Variants in L3MBTL2 observed in about 807,000 individuals in gnomAD.
L3MBTL2 encodes L3MBTL histone methyl-lysine binding protein 2, also known as lethal(3)malignant brain tumor-like protein 2.
A neutral mutation model predicts 86.4 loss-of-function variants in L3MBTL2; 49 were observed. The ratio of observed to expected loss-of-function variants is 0.57; its 90% CI spans 0.45 to 0.72. L3MBTL2 has a LOEUF of 0.72. L3MBTL2 is among the 30% of genes least tolerant of loss of function. The probability of loss-of-function intolerance (pLI) is 0.00; values close to 1 mark genes in which losing one functional copy is unlikely to be tolerated. For synonymous variants in L3MBTL2, 336 were observed against 350.6 expected (o/e 0.96, Z 0.47); for missense variants, 755 against 923.7 (o/e 0.82, Z 2.37).
chr22:41,219,395 C>T (rs376049755), intron 5 of L3MBTL2, 24 bp from the exon 6 acceptor site: 10 of 1,552,276 alleles, frequency 6.4e-6, no homozygotes, highest in South Asian at 2.2e-5. Context: ...CTCACTCTCT[C>T]GGTACACTCT....
At chr22:41,227,000 G>C (rs1263610044) in intron 13 of L3MBTL2, 89 bp from the exon 14 acceptor site, 1 of 1,174,230 alleles carries the variant, frequency 8.5e-7, no homozygotes, top group Non-Finnish European at 1.2e-6. Flanking sequence ...GCCCCTCCCT[G>C]CCAGTTCTTC....
intron 3 of L3MBTL2, 119 bp downstream of exon 3, chr22:41,214,145 A>G (rs2031141021): frequency 1.0e-6 from 1 of 993,040 alleles, no homozygotes; most frequent in African/African-American, 1.6e-5. Flanking sequence ...GCCAGCTGGT[A>G]TTTATTATGT....
chr22:41,227,576 T>C lies in L3MBTL2; in HGVS notation c.1823-228T>C. The C allele has an allele frequency of 6.5e-7, 1 of 1,548,180 alleles. No individual in the cohort carries two copies. The highest frequency in any genetic ancestry group is 8.7e-7 in the Non-Finnish European group (1 of 1,145,872). On this transcript the variant is annotated intron_variant, in intron 14 of 16. Coordinates refer to ENST00000216237, the MANE Select transcript of L3MBTL2 (RefSeq NM_031488.5). This position sits in a 1 kb window ranked among gnomAD's most constrained non-coding sequence, Gnocchi z 6.0. ...ATGTTCGTGCCCTTGTGCACCCAGGTAAACTACCCAGGTCCCTCTGAGCAG... is the reference window on the plus strand; with the variant it reads ...ATGTTCGTGCCCTTGTGCACCCAGGCAAACTACCCAGGTCCCTCTGAGCAG...
intron 1 of L3MBTL2, chr22:41,208,228 C>G: frequency 2.6e-6 from 1 of 383,284 alleles, no homozygotes; most frequent in Admixed American, 3.1e-5. Flanking sequence ...ACCTCCCAGG[C>G]TCAAGCAGTC....
chr22:41,209,952 C>T lies in L3MBTL2; in HGVS notation c.262+19C>T. ...GAGCCAGGTGCCTTCAGAGTGTCCC[C>T]TGAGGATGGAGAGGAGATAGAAGAT... On this transcript the variant is annotated intron_variant, in intron 2 of 16. Coordinates refer to ENST00000216237, the MANE Select transcript of L3MBTL2 (RefSeq NM_031488.5). The T allele has an allele frequency of 6.2e-7, 1 of 1,611,118 alleles. No homozygotes were observed. The highest frequency in any genetic ancestry group is 8.5e-7 in the Non-Finnish European group (1 of 1,177,960).
At chr22:41,228,630 C>G (rs1429995636) in intron 15 of L3MBTL2, 1 of 497,088 alleles carries the variant, frequency 2.0e-6, no homozygotes, top group African/African-American at 2.1e-5. Flanking sequence ...GTGGGCGGAT[C>G]ATGAGGTCAG....
rs139499248 is a variant in L3MBTL2, at chr22:41,227,250, C to G, written c.1749C>G (p.Cys583Trp). Residue 583 changes from cysteine (C) to tryptophan (W), a missense_variant, in exon 14 of 17, where the codon TGC becomes TGG. Cys to Trp is a radical substitution (Grantham distance 215). Coordinates refer to ENST00000216237, the MANE Select transcript of L3MBTL2 (RefSeq NM_031488.5). This position sits in a 1 kb window ranked among gnomAD's most constrained non-coding sequence, Gnocchi z 6.0. Reference sequence around the variant, plus strand: ...GCGAGTACGACCAGTGGGTGGACTGCGAGTCCCCAGACATCTACCCCGTCG... The same window carrying G: ...GCGAGTACGACCAGTGGGTGGACTGGGAGTCCCCAGACATCTACCCCGTCG... The part of the protein sequence containing the change: ...WDSEYDQWVD[C>W]ESPDIYPVGW... 2.5e-6 allele frequency: 4 copies of G among 1,612,802 alleles called. No individual in the cohort carries two copies. The Admixed American group carries it at 5.0e-5, about 20-fold the overall frequency.
chr22:41,221,057 A>C, intron 7 of L3MBTL2, 142 bp from the exon 8 acceptor site: 1 of 944,074 alleles, frequency 1.1e-6, no homozygotes, highest in South Asian at 1.7e-5. Flanking sequence ...TGATGTTCTC[A>C]GATGAAGTCA....
chr22:41,230,253 C>G lies in L3MBTL2; in HGVS notation c.*2C>G, dbSNP rs1362247814. 1.9e-6 allele frequency: 3 copies of G among 1,610,414 alleles called. No individual in the cohort carries two copies. The highest frequency in any genetic ancestry group is 1.7e-5 in the Admixed American group (1 of 59,978). ...ATCAAGCAGGAAACAGACGACTGAGCCTTCCTGCCTCCAGCCTGGCTTCTA... is the reference window on the plus strand; with the variant it reads ...ATCAAGCAGGAAACAGACGACTGAGGCTTCCTGCCTCCAGCCTGGCTTCTA... On this transcript the variant is annotated 3_prime_UTR_variant, in exon 17 of 17. Coordinates refer to ENST00000216237, the MANE Select transcript of L3MBTL2 (RefSeq NM_031488.5).
intron 1 of L3MBTL2, among the ~76,000 whole-genome samples, chr22:41,208,114 G>A (rs1365248704): frequency 2.0e-5 from 3 of 151,430 alleles, no homozygotes; most frequent in Non-Finnish European, 2.9e-5. Context: ...TTATAGGTGT[G>A]AGCCACCGCA....
intron 16 of L3MBTL2, 35 bp from the exon 17 acceptor site, chr22:41,230,104 A>T (rs1204155816): frequency 3.0e-6 from 1 of 328,498 alleles, no homozygotes; most frequent in Non-Finnish European, 4.8e-6. Context: ...AGAGTTATTT[A>T]CTCGCCCACC....
At chr22:41,228,579 G>A (rs1006514546) in intron 15 of L3MBTL2, 44 of 934,392 alleles carry the variant, frequency 4.7e-5, no homozygotes, top group East Asian at 2.3e-4. Flanking sequence ...GGCCAGGCGC[G>A]GTGGCTCACA....
Position 41,220,861 on chromosome 22 carries a change from C to G in L3MBTL2, c.846C>G (p.Pro282=). 1 of 1,612,910 alleles carries G rather than the reference C, an allele frequency of 6.2e-7. No individual in the cohort carries two copies. Among genetic ancestry groups the G allele is most frequent in the South Asian group, 1.1e-5 (1 of 91,040 alleles). The change falls in exon 7 of 17, where the codon CCC becomes CCG. Residue 282 remains proline, a synonymous_variant. Coordinates refer to ENST00000216237, the MANE Select transcript of L3MBTL2 (RefSeq NM_031488.5). The part of the protein sequence containing the change: ...WCAINSKILV[P]PRTIHAKFTD... ...CCATCAACAGCAAGATCCTAGTGCC[C>G]CCACGGAGTGAGTTGATGAGAACAT...
Position 41,215,630 on chromosome 22 carries a change from AAACATTCGCCTATGTGGACCCTCTCCCG to A in L3MBTL2, c.397-425_397-398del, listed in dbSNP as rs1569141314. 5.3e-4 allele frequency among the ~76,000 whole-genome samples: 54 copies of A among 101,090 alleles called. 1 individual carries two copies. Among genetic ancestry groups the A allele is most frequent in the East Asian group, 1.2e-3 (5 of 4,296 alleles). 66.3% of individuals were successfully genotyped at this position (101,090 alleles called of 152,430 possible). On this transcript the variant is annotated intron_variant, in intron 3 of 16. Transcript: ENST00000216237. ...TAATGAAAGCTGTGGGTCCTCTCCC[AAACATTCGCCTATGTGGACCCTCTCCCG>A]AACATTCGCCTATGTGGACCCTCTC...
At position 41,226,729 on chromosome 22, in the gene L3MBTL2, G is replaced by C; in HGVS notation, c.1572G>C (p.Ser524=). 3 of 1,613,648 alleles carry C rather than the reference G, an allele frequency of 1.9e-6. No homozygotes were observed. Among genetic ancestry groups the C allele is most frequent in the Non-Finnish European group, 2.5e-6 (3 of 1,179,560 alleles). The change falls in exon 13 of 17, where the codon TCG becomes TCC. Residue 524 remains serine, a synonymous_variant. Transcript: ENST00000216237. ...LEKTKSKAAP[S]RLFNMDCPNH... is the part of the protein sequence containing the mutation. Reference sequence around the variant, plus strand: ...AGACCAAGTCGAAAGCCGCTCCATCGAGACTCTTTAACATGGTGAGGAGAC... The same window carrying C: ...AGACCAAGTCGAAAGCCGCTCCATCCAGACTCTTTAACATGGTGAGGAGAC...
chr22:41,225,473 T>A lies in L3MBTL2; in HGVS notation c.1357-321T>A, dbSNP rs751960046. On this transcript the variant is annotated intron_variant, in intron 11 of 16. Transcript: ENST00000216237. This position sits in a 1 kb window ranked among gnomAD's most constrained non-coding sequence, Gnocchi z 4.1. ...CACCCCCACCCCTCCTTGGCCCTCC[T>A]GGAGGAGGCTGCTGACTCGTCCTCG... Among the ~76,000 whole-genome samples, 3 of 152,122 alleles carry A rather than the reference T, an allele frequency of 2.0e-5. No individual in the cohort carries two copies. Among genetic ancestry groups the A allele is most frequent in the Non-Finnish European group, 4.4e-5 (3 of 67,990 alleles).
Position 41,227,469 on chromosome 22 carries a change from C to T in L3MBTL2, c.1822+146C>T. 8.3e-7 allele frequency: 1 copy of T among 1,208,416 alleles called. No homozygotes were observed. 74.9% of individuals were successfully genotyped at this position (1,208,416 alleles called of 1,614,324 possible). On this transcript the variant is annotated intron_variant, in intron 14 of 16. Coordinates refer to ENST00000216237, the MANE Select transcript of L3MBTL2 (RefSeq NM_031488.5). This position sits in a 1 kb window ranked among gnomAD's most constrained non-coding sequence, Gnocchi z 6.0. ...TTTAAGTAGAGAGTGAGCCCCGTCA[C>T]CCAGCCCCTGCTCCTGACTTCTCTG...
chr22:41,218,290 A>C (rs1601515008), intron 5 of L3MBTL2: 1 of 152,204 alleles, frequency 6.6e-6, no homozygotes, highest in Admixed American at 6.5e-5. Context: ...AGGCGGGTGG[A>C]TCACCTGAGG....
intron 4 of L3MBTL2, among the ~76,000 whole-genome samples, chr22:41,216,746 G>A (rs1012979001): frequency 6.6e-6 from 1 of 152,198 alleles, no homozygotes; most frequent in African/African-American, 2.4e-5. Context: ...AGTTGGAGGG[G>A]CCCTGGTGTG....
Sources: allele counts gnomAD v4.1 joint callset (sites outside exome capture counted in the v4.1 genomes callset), GRCh38; gene constraint gnomAD v4.1.1; non-coding constraint Gnocchi (gnomAD v3.1); transcripts MANE v1.5; gene names NCBI Gene and HGNC (gene_info 2026-07-23, HGNC 2026-07-21).